PLEKHA5: variants seen among roughly 807,000 people sequenced by gnomAD.
PLEKHA5 encodes pleckstrin homology domain-containing family A member 5.
PLEKHA5 carries 55 observed loss-of-function variants against 181.9 expected under a neutral mutation model. The ratio of observed to expected loss-of-function variants is 0.30; its 90% CI spans 0.24 to 0.38. PLEKHA5 has a LOEUF of 0.38. Among genes scored for constraint, PLEKHA5 ranks in the 10% least tolerant of loss-of-function variants. The probability of loss-of-function intolerance (pLI) is 1.00; values close to 1 mark genes in which losing one functional copy is unlikely to be tolerated. For missense variants in PLEKHA5, 1,432 were observed against 1,549.5 expected (o/e 0.92, Z 1.27); for synonymous variants, 535 against 529.4 (o/e 1.01, Z -0.15).
At chr12:19,259,292 C>G (rs2067710341) in intron 6 of PLEKHA5, among the ~76,000 whole-genome samples, 1 of 151,856 alleles carries the variant, frequency 6.6e-6, no homozygotes, top group South Asian at 2.1e-4. Flanking sequence ...CACTTGAGCC[C>G]AGGATTTGAG....
At chr12:19,367,728 C>T (rs186016108) in intron 30 of PLEKHA5, among the ~76,000 whole-genome samples, 11 of 151,692 alleles carry the variant, frequency 7.3e-5, no homozygotes, top group African/African-American at 2.4e-4. Flanking sequence ...TGTAGGTGTC[C>T]GTCACCACGC....
chr12:19,163,739 C>T (rs1236003127), intron 3 of PLEKHA5, among the ~76,000 whole-genome samples: 1 of 152,060 alleles, frequency 6.6e-6, no homozygotes, highest in Non-Finnish European at 1.5e-5. Flanking sequence ...CATTTGGGAC[C>T]ATTACAAATT....
intron 28 of PLEKHA5, 24 bp downstream of exon 28, chr12:19,359,570 G>C: frequency 6.2e-7 from 1 of 1,604,978 alleles, no homozygotes; most frequent in East Asian, 2.2e-5. Flanking sequence ...TTTATGAAAG[G>C]TATTCCAAAG....
intron 5 of PLEKHA5, 115 bp downstream of exon 5, chr12:19,255,280 T>C (rs905766747): frequency 3.4e-6 from 2 of 588,592 alleles, no homozygotes; most frequent in Non-Finnish European, 5.1e-6. Flanking sequence ...ATTACATGAA[T>C]TTGAAGGTAA....
chr12:19,185,304 C>G (rs918302025), intron 3 of PLEKHA5, among the ~76,000 whole-genome samples: 1 of 152,028 alleles, frequency 6.6e-6, no homozygotes, highest in Non-Finnish European at 1.5e-5. Context: ...TGTTCCATAC[C>G]TCCTGATCCT....
At chr12:19,263,650 A>C (rs1010082575) in intron 7 of PLEKHA5, among the ~76,000 whole-genome samples, 3 of 152,214 alleles carry the variant, frequency 2.0e-5, no homozygotes, top group African/African-American at 7.2e-5. Flanking sequence ...GAAATGGGGA[A>C]TCTAAAATGT....
chr12:19,286,506 T>G (rs920633588), intron 12 of PLEKHA5, among the ~76,000 whole-genome samples: 2 of 152,162 alleles, frequency 1.3e-5, no homozygotes, highest in African/African-American at 4.8e-5. Flanking sequence ...TAAAAGAGAT[T>G]ATCACAACAG....
intron 3 of PLEKHA5, among the ~76,000 whole-genome samples, chr12:19,219,582 A>AT (rs1265953325): frequency 1.3e-5 from 2 of 150,664 alleles, no homozygotes; most frequent in Non-Finnish European, 2.9e-5. Context: ...GTTACTATAC[A>AT]TTGAATACTT....
intron 3 of PLEKHA5, among the ~76,000 whole-genome samples, chr12:19,165,075 C>G (rs748815549): frequency 2.4e-4 from 36 of 152,266 alleles, no homozygotes; most frequent in Middle Eastern, 6.8e-3. Flanking sequence ...CCGTTCTGTC[C>G]TTCATGAAGA....
At chr12:19,299,837 C>G (rs1349191742) in intron 15 of PLEKHA5, among the ~76,000 whole-genome samples, 1 of 152,164 alleles carries the variant, frequency 6.6e-6, no homozygotes. Flanking sequence ...TTAGCCAACT[C>G]AGGAAATGTC....
chr12:19,341,722 T>C (rs2093943874), intron 21 of PLEKHA5, among the ~76,000 whole-genome samples: 1 of 151,464 alleles, frequency 6.6e-6, no homozygotes, highest in African/African-American at 2.4e-5. Flanking sequence ...TGGAAGACTT[T>C]GAAAACATAT....
At chr12:19,161,056 T>C (rs1270117269) in intron 3 of PLEKHA5, among the ~76,000 whole-genome samples, 2 of 152,212 alleles carry the variant, frequency 1.3e-5, no homozygotes, top group Non-Finnish European at 2.9e-5. Flanking sequence ...AACACTGTTT[T>C]GTTTAGTAAA....
At chr12:19,287,584 A>G in intron 13 of PLEKHA5, 28 bp downstream of exon 13, 1 of 1,245,652 alleles carries the variant, frequency 8.0e-7, no homozygotes, top group South Asian at 1.3e-5. Flanking sequence ...TTACCATACC[A>G]TGTTTTATTT....
intron 3 of PLEKHA5, among the ~76,000 whole-genome samples, chr12:19,241,247 A>G (rs2062526145): frequency 6.6e-6 from 1 of 152,152 alleles, no homozygotes; most frequent in South Asian, 2.1e-4. Context: ...TAACCAGATA[A>G]TTTATCCTTT....
intron 7 of PLEKHA5, among the ~76,000 whole-genome samples, chr12:19,261,243 G>T (rs755071167): frequency 4.6e-5 from 7 of 152,066 alleles, no homozygotes; most frequent in Non-Finnish European, 1.0e-4. Flanking sequence ...TTTTGGTTCA[G>T]CTTCCCTAAT....
At chr12:19,168,746 A>C (rs553717084) in intron 3 of PLEKHA5, among the ~76,000 whole-genome samples, 5 of 152,322 alleles carry the variant, frequency 3.3e-5, no homozygotes, top group Admixed American at 3.3e-4. Flanking sequence ...ATAATACTGA[A>C]TTATAAGATT....
intron 3 of PLEKHA5, among the ~76,000 whole-genome samples, chr12:19,160,753 A>G (rs1041228329): frequency 1.3e-5 from 2 of 152,044 alleles, no homozygotes; most frequent in South Asian, 4.1e-4. Flanking sequence ...TACTGATGAA[A>G]CTTTTTTATA....
intron 16 of PLEKHA5, chr12:19,319,669 C>G (rs2090105780): frequency 5.9e-6 from 1 of 170,328 alleles, no homozygotes; most frequent in African/African-American, 2.4e-5. Context: ...TTCTCACAGT[C>G]AATATAAAAA....
At chr12:19,277,289 T>C (rs1191943348) in intron 11 of PLEKHA5, among the ~76,000 whole-genome samples, 5 of 152,168 alleles carry the variant, frequency 3.3e-5, no homozygotes, top group African/African-American at 7.2e-5. Flanking sequence ...AGAATCACTT[T>C]TCCCCGAAAA....
Sources: gnomAD v4.1 joint callset for allele counts (sites outside exome capture counted in the v4.1 genomes callset) on GRCh38, gnomAD v4.1.1 for gene constraint, MANE v1.5 for transcripts, NCBI Gene and HGNC (gene_info 2026-07-23, HGNC 2026-07-21) for gene names.